The following SPMIP7 variants were observed in gnomAD, a reference collection of about 807,000 sequenced individuals.
The protein encoded by SPMIP7 is protein SPMIP7.
At chr7:50,115,629 A>C in the SPMIP7 span, among the ~76,000 whole-genome samples, 11 of 152,180 alleles carry the variant, frequency 7.2e-5, no homozygotes, top group Non-Finnish European at 1.5e-4. Flanking sequence ...AAATAAAAAC[A>C]TATGTGCACA....
chr7:50,144,119 G>A, the SPMIP7 span, among the ~76,000 whole-genome samples: 1 of 152,188 alleles, frequency 6.6e-6, no homozygotes, highest in Non-Finnish European at 1.5e-5. Flanking sequence ...TTCTTGAAGT[G>A]TTATGTGAAT....
the SPMIP7 span, among the ~76,000 whole-genome samples, chr7:50,145,618 G>GTGTATATATATATATATA: frequency 3.6e-5 from 1 of 27,700 alleles, no homozygotes; most frequent in East Asian, 1.5e-3. Flanking sequence ...ATATGTGTGT[G>GTGTATATATATATATATA]TATATATATA....
At chr7:50,134,172 T>C in the SPMIP7 span, 150 of 1,550,754 alleles carry the variant, frequency 9.7e-5, no homozygotes, top group Non-Finnish European at 1.2e-4. Flanking sequence ...AGAAACAACA[T>C]TGGAAAAAAC....
the SPMIP7 span, among the ~76,000 whole-genome samples, chr7:50,103,295 C>A: frequency 2.0e-5 from 3 of 152,098 alleles, no homozygotes; most frequent in African/African-American, 2.4e-5. Context: ...GGGACCAAAT[C>A]TGAAGCCCCC....
At chr7:50,145,612 G>GTATATA in the SPMIP7 span, among the ~76,000 whole-genome samples, 245 of 36,842 alleles carry the variant, frequency 6.7e-3, 38 homozygotes, top group Non-Finnish European at 9.4e-3. Flanking sequence ...GTGTGTATAT[G>GTATATA]TGTGTGTATA....
the SPMIP7 span, among the ~76,000 whole-genome samples, chr7:50,113,310 G>T: frequency 6.6e-6 from 1 of 151,340 alleles, no homozygotes; most frequent in Admixed American, 6.6e-5. Flanking sequence ...AAAATAAAAT[G>T]AAACTACTTT....
the SPMIP7 span, chr7:50,159,161 G>A: frequency 6.4e-7 from 1 of 1,551,592 alleles, no homozygotes; most frequent in Non-Finnish European, 8.7e-7. Context: ...AGAAACCATA[G>A]ACTACTAGAG....
At chr7:50,155,769 T>C in the SPMIP7 span, among the ~76,000 whole-genome samples, 3 of 6,300 alleles carry the variant, frequency 4.8e-4, no homozygotes. Context: ...TAGCTGACTC[T>C]TGGGGGTCCT....
the SPMIP7 span, among the ~76,000 whole-genome samples, chr7:50,105,904 A>C: frequency 0.055 from 8,387 of 152,226 alleles, 243 homozygotes; most frequent in African/African-American, 0.081. Flanking sequence ...CTTATAAGAA[A>C]CTGAAGACCT....
At chr7:50,158,739 G>C in the SPMIP7 span, among the ~76,000 whole-genome samples, 2 of 151,878 alleles carry the variant, frequency 1.3e-5, no homozygotes, top group Non-Finnish European at 2.9e-5. Flanking sequence ...TGATTCCCCC[G>C]GCCACCCCAC....
chr7:50,102,492 A>AG, the SPMIP7 span, among the ~76,000 whole-genome samples: 3 of 152,238 alleles, frequency 2.0e-5, no homozygotes, highest in Admixed American at 6.5e-5. Flanking sequence ...CTGCTCCTAG[A>AG]GGCTACCCAT....
the SPMIP7 span, among the ~76,000 whole-genome samples, chr7:50,108,222 T>C: frequency 6.6e-6 from 1 of 152,114 alleles, no homozygotes; most frequent in Middle Eastern, 3.2e-3. Flanking sequence ...CTCTATGAAA[T>C]AGTAGACACA....
chr7:50,116,026 G>C, the SPMIP7 span, among the ~76,000 whole-genome samples: 1 of 152,072 alleles, frequency 6.6e-6, no homozygotes, highest in Non-Finnish European at 1.5e-5. Flanking sequence ...ACAAATTGGA[G>C]GTGACTAAAC....
the SPMIP7 span, among the ~76,000 whole-genome samples, chr7:50,135,632 A>C: frequency 6.6e-6 from 1 of 152,182 alleles, no homozygotes; most frequent in Non-Finnish European, 1.5e-5. Flanking sequence ...TACCTGTGAA[A>C]GTTGGTCCTT....
At chr7:50,112,510 C>T in the SPMIP7 span, among the ~76,000 whole-genome samples, 8,192 of 71,464 alleles carry the variant, frequency 0.11, 234 homozygotes, top group South Asian at 0.16. Context: ...AAAGAAAGCA[C>T]GAAAAGAAAA....
the SPMIP7 span, among the ~76,000 whole-genome samples, chr7:50,112,170 A>C: frequency 6.6e-6 from 1 of 152,192 alleles, no homozygotes; most frequent in Admixed American, 6.6e-5. Context: ...TGAATAAAAA[A>C]TGAAAAAATA....
At chr7:50,125,319 C>CACACACAT in the SPMIP7 span, among the ~76,000 whole-genome samples, 1 of 34,576 alleles carries the variant, frequency 2.9e-5, no homozygotes, top group East Asian at 1.4e-3. Flanking sequence ...CCCATATATA[C>CACACACAT]ATATATACAC....
At chr7:50,141,465 A>G in the SPMIP7 span, 1 of 925,614 alleles carries the variant, frequency 1.1e-6, no homozygotes, top group South Asian at 1.5e-5. Flanking sequence ...CCATAAATGA[A>G]GGAATTTAAA....
the SPMIP7 span, chr7:50,129,693 T>G: frequency 6.8e-7 from 1 of 1,478,766 alleles, no homozygotes; most frequent in Non-Finnish European, 9.2e-7. Flanking sequence ...TGGTCTCTTT[T>G]AACTTATTTT....
Sources: allele counts gnomAD v4.1 joint callset (sites outside exome capture counted in the v4.1 genomes callset), GRCh38; gene constraint gnomAD v4.1.1; transcripts MANE v1.5; gene names NCBI Gene and HGNC (gene_info 2026-07-23, HGNC 2026-07-21).